The following POU6F1 variants were observed in gnomAD, a reference collection of about 807,000 sequenced individuals.
The protein encoded by POU6F1 is POU domain, class 6, transcription factor 1.
POU6F1 carries 9 observed loss-of-function variants against 28.9 expected under a neutral mutation model. That is an observed-to-expected ratio of 0.31 (90% CI 0.19 to 0.54). The LOEUF is 0.54. Among genes scored for constraint, POU6F1 ranks in the 20% least tolerant of loss-of-function variants. The pLI is 0.94. For synonymous variants in POU6F1, 173 were observed against 171.1 expected (o/e 1.01, Z -0.09); for missense variants, 338 against 426.1 (o/e 0.79, Z 1.82).
chr12:51,216,225 T>C (rs910062683), intron 1 of POU6F1, among the ~76,000 whole-genome samples: 3 of 152,210 alleles, frequency 2.0e-5, no homozygotes, highest in Admixed American at 2.0e-4. Context: ...CTGATAATTT[T>C]ATGGTGAGTA....
chr12:51,208,110 CAAA>C (rs11316062), intron 1 of POU6F1, among the ~76,000 whole-genome samples: 43 of 136,484 alleles, frequency 3.2e-4, no homozygotes, highest in African/African-American at 9.0e-4. Context: ...CTGTCTGTAC[CAAA>C]AAAAAAAAAA....
rs1317872267 is a variant in POU6F1 at position 51,189,299 on chromosome 12, G to A, written c.*948C>T. On this transcript the variant is annotated 3_prime_UTR_variant, in exon 11 of 11. Transcript: ENST00000333640. ...CCAGTATTGGGTTGGGAATGGGTGTGGGGACAAGAGAAAGAAAGAGAAAGT... is the reference window on the plus strand; with the variant it reads ...CCAGTATTGGGTTGGGAATGGGTGTAGGGACAAGAGAAAGAAAGAGAAAGT... The A allele has an allele frequency of 1.3e-5, 2 of 152,078 alleles. No homozygotes were observed. The highest frequency in any genetic ancestry group is 4.8e-5 in the African/African-American group (2 of 41,388). The allele number at this position is 152,078 out of a possible 1,614,324, so 9.4% of individuals were successfully genotyped here.
chr12:51,191,897 C>G, intron 9 of POU6F1, 133 bp from the exon 10 acceptor site: 1 of 1,090,870 alleles, frequency 9.2e-7, no homozygotes, highest in Non-Finnish European at 1.4e-6. Flanking sequence ...ACCTTCAAGA[C>G]TCTTATCACC....
In POU6F1 at chr12:51,196,109, C is replaced by A. The variant is rs2137120056; in HGVS notation, c.1040G>T (p.Ser347Ile). The stretch of plus-strand genomic sequence containing the variant: ...GGGGGTCACGGCCTGGACCTGCAGG[C>A]TTTGGGCTGGTGCTGGGGCCGCCAC... ...ASVAAPAPAQ[S>I]LQVQAVTPQL... is the part of the protein sequence containing the mutation. The change falls in exon 8 of 11, where the codon AGC becomes ATC. Residue 347 changes from serine (S) to isoleucine (I), a missense_variant. Ser to Ile is a moderately radical substitution (Grantham distance 142). This residue lies in a region of POU6F1 where 206 missense variants were observed against 225.6 expected (regional missense o/e 0.91). Transcript: ENST00000333640. The A allele has an allele frequency of 6.3e-7, 1 of 1,592,154 alleles. No homozygotes were observed. The highest frequency in any genetic ancestry group is 1.1e-5 in the South Asian group (1 of 87,412).
intron 1 of POU6F1, among the ~76,000 whole-genome samples, chr12:51,213,351 A>G (rs1360197132): frequency 6.6e-6 from 1 of 152,100 alleles, no homozygotes; most frequent in East Asian, 1.9e-4. Flanking sequence ...TGGGATTCAG[A>G]CTTTTAAACT....
chr12:51,205,875 G>C (rs1057030093), intron 2 of POU6F1, among the ~76,000 whole-genome samples: 1 of 145,818 alleles, frequency 6.9e-6, no homozygotes, highest in Non-Finnish European at 1.5e-5. Flanking sequence ...CTGGAGTTCA[G>C]TGGCGCGATC....
chr12:51,193,067 T>G (rs1942546707), intron 8 of POU6F1, among the ~76,000 whole-genome samples: 1 of 152,188 alleles, frequency 6.6e-6, no homozygotes, highest in Non-Finnish European at 1.5e-5. Flanking sequence ...TCAGTACACT[T>G]GGCCAAAGCC....
chr12:51,196,114 G>C lies in POU6F1; in HGVS notation c.1035C>G (p.Ala345=). The C allele has an allele frequency of 6.3e-7, 1 of 1,588,388 alleles. No homozygotes were observed. The highest frequency in any genetic ancestry group is 8.6e-7 in the Non-Finnish European group (1 of 1,168,410). Residue 345 remains alanine (A), a synonymous_variant, in exon 8 of 11, where the codon GCC becomes GCG. Transcript: ENST00000333640. ...NSASVAAPAP[A]QSLQVQAVTP... ...TCACGGCCTGGACCTGCAGGCTTTG[G>C]GCTGGTGCTGGGGCCGCCACACTAG...
In POU6F1 at chr12:51,190,684, G is replaced by C; in HGVS notation, c.1491-92C>G. 1 of 1,523,754 alleles carries C rather than the reference G, an allele frequency of 6.6e-7. No homozygotes were observed. Among genetic ancestry groups the C allele is most frequent in the South Asian group, 1.3e-5 (1 of 78,746 alleles). The allele number at this position is 1,523,754 out of a possible 1,614,324, so 94.4% of individuals were successfully genotyped here. On this transcript the variant is annotated intron_variant, in intron 10 of 10. Coordinates refer to ENST00000333640, the MANE Select transcript of POU6F1 (RefSeq NM_001330422.2). The surrounding 1 kb of genome is among the most constrained non-coding windows in gnomAD (Gnocchi z 4.5). ...CTAGGTGCAGGCTCCATCCTCAAGG[G>C]GCCGCTCCTCTAGGGGCTGGTGAGA... is the stretch of plus-strand genomic sequence containing the variant.
chr12:51,214,426 T>G (rs1442423357), intron 1 of POU6F1, among the ~76,000 whole-genome samples: 1 of 151,968 alleles, frequency 6.6e-6, no homozygotes, highest in African/African-American at 2.4e-5. Context: ...CAGAACCTCC[T>G]CTCAGGAAAT....
At chr12:51,211,215 A>G (rs555968185) in intron 1 of POU6F1, among the ~76,000 whole-genome samples, 33 of 152,320 alleles carry the variant, frequency 2.2e-4, no homozygotes, top group South Asian at 8.3e-4. Context: ...GTCTGTTTCA[A>G]GAGAAGGAGC....
At chr12:51,192,875 A>G (rs907059977) in intron 8 of POU6F1, among the ~76,000 whole-genome samples, 2 of 151,986 alleles carry the variant, frequency 1.3e-5, no homozygotes, top group African/African-American at 4.8e-5. Context: ...ACTGCACTCC[A>G]GACTGGGCGA....
At chr12:51,192,564 C>A in intron 8 of POU6F1, 93 bp from the exon 9 acceptor site, 1 of 1,504,646 alleles carries the variant, frequency 6.6e-7, no homozygotes, top group Non-Finnish European at 9.0e-7. Flanking sequence ...CAAAAACAGA[C>A]ATGAAATCCT....
At chr12:51,201,838 C>G (rs1290344200) in intron 3 of POU6F1, 1 of 147,456 alleles carries the variant, frequency 6.8e-6, no homozygotes, top group African/African-American at 2.5e-5. Context: ...TGTTTCTCCA[C>G]AGCACCACTC....
In POU6F1 at chr12:51,195,870, G is replaced by A; in HGVS notation, c.1179+100C>T. Reference sequence around the variant, plus strand: ...TTTAGGAAGCGCCCTGCACTCCCAGGAGTTTCAGAAGATGCTGTCCTGCCT... The same window carrying A: ...TTTAGGAAGCGCCCTGCACTCCCAGAAGTTTCAGAAGATGCTGTCCTGCCT... On this transcript the variant is annotated intron_variant, in intron 8 of 10. Transcript: ENST00000333640. The A allele has an allele frequency of 9.8e-6, 13 of 1,329,608 alleles. No individual in the cohort carries two copies. In the East Asian group the frequency reaches 1.8e-4, roughly 18 times the overall value. 82.4% of individuals were successfully genotyped at this position (1,329,608 alleles called of 1,614,324 possible).
chr12:51,212,479 G>A (rs1054266414), intron 1 of POU6F1, among the ~76,000 whole-genome samples: 19 of 151,254 alleles, frequency 1.3e-4, no homozygotes. Flanking sequence ...TCCCACCTTT[G>A]TCAAGAAATC....
In POU6F1 at chr12:51,187,417, T is replaced by G; in HGVS notation, c.*2830A>C. ...TTTTCAAAACAAAATGTATACCAAC[T>G]CCTTCAGAGCCTGATGCTAACAAAA... is the stretch of plus-strand genomic sequence containing the variant. On this transcript the variant is annotated 3_prime_UTR_variant, in exon 11 of 11. Transcript: ENST00000333640. 6.6e-6 allele frequency: 1 copy of G among 152,188 alleles called. No homozygotes were observed. Among genetic ancestry groups the G allele is most frequent in the East Asian group, 1.9e-4 (1 of 5,198 alleles). 9.4% of individuals were successfully genotyped at this position (152,188 alleles called of 1,614,324 possible).
At position 51,216,727 on chromosome 12, in the gene POU6F1, T is replaced by TA. The variant is rs563865963; in HGVS notation, c.-48+914dup. On this transcript the variant is annotated intron_variant, in intron 1 of 10. Transcript: ENST00000333640. ...TATGAACAATTGAAGACCAGCCCTC[T>TA]ACTTTTGGAACAAGGAATTTGGGAA... is the stretch of plus-strand genomic sequence containing the variant. Among the ~76,000 whole-genome samples the TA allele has an allele frequency of 8.5e-5, 13 of 152,356 alleles. No individual in the cohort carries two copies. In the East Asian group the frequency reaches 2.5e-3, roughly 29 times the overall value.
chr12:51,216,627 T>C (rs1158058336), intron 1 of POU6F1, among the ~76,000 whole-genome samples: 1 of 152,200 alleles, frequency 6.6e-6, no homozygotes. Flanking sequence ...ATATATGGAA[T>C]TATTCCTCAG....
Sources: gnomAD v4.1 joint callset for allele counts (sites outside exome capture counted in the v4.1 genomes callset) on GRCh38, gnomAD v4.1.1 for gene constraint, gnomAD v4.1.1 regional missense constraint, Gnocchi (gnomAD v3.1) non-coding constraint, MANE v1.5 for transcripts, NCBI Gene and HGNC (gene_info 2026-07-23, HGNC 2026-07-21) for gene names.